Variants in KCNT2 observed in about 807,000 individuals in gnomAD.
The protein encoded by KCNT2 is potassium sodium-activated channel subfamily T member 2.
KCNT2 carries 67 observed loss-of-function variants against 153.8 expected under a neutral mutation model. The ratio of observed to expected loss-of-function variants is 0.44; its 90% CI spans 0.36 to 0.53. KCNT2 has a LOEUF of 0.53. Ranked by LOEUF, KCNT2 falls within the 20% of genes least tolerant of loss-of-function variation. KCNT2 has a pLI of 0.00. For synonymous variants in KCNT2, 500 were observed against 458.8 expected, an observed-to-expected ratio of 1.09 and a Z score of -1.15; for missense variants, 975 against 1,354.8, an observed-to-expected ratio of 0.72 and a Z score of 4.40.
chr1:196,593,645 C>T lies in KCNT2; in HGVS notation c.95+14570G>A, dbSNP rs139639441. The stretch of plus-strand genomic sequence containing the variant: ...TACACGTTGCATGCCTGTATCCAAA[C>T]ATCTCATGTACCCCAAAAATATATA... On this transcript the variant is annotated intron_variant, in intron 1 of 27. Coordinates refer to ENST00000294725, the MANE Select transcript of KCNT2 (RefSeq NM_198503.5). Among the ~76,000 whole-genome samples, 831 of 151,974 alleles carry T rather than the reference C, an allele frequency of 5.5e-3. 4 individuals carry two copies. The highest frequency in any genetic ancestry group is 8.1e-3 in the Non-Finnish European group (552 of 67,940).
intron 25 of KCNT2, among the ~76,000 whole-genome samples, chr1:196,263,476 C>T (rs1382318264): frequency 8.6e-5 from 13 of 151,858 alleles, no homozygotes; most frequent in South Asian, 6.2e-4. Context: ...TCACACACTG[C>T]GCCCTGTCAT....
At chr1:196,310,337 CT>C in intron 21 of KCNT2, among the ~76,000 whole-genome samples, 1 of 151,858 alleles carries the variant, frequency 6.6e-6, no homozygotes, top group African/African-American at 2.4e-5. Flanking sequence ...ACTATCAACA[CT>C]AAAACAAGTA....
At position 196,601,078 on chromosome 1, in the gene KCNT2, A is replaced by G. The variant is rs115531294; in HGVS notation, c.95+7137T>C. On this transcript the variant is annotated intron_variant, in intron 1 of 27. Coordinates refer to ENST00000294725, the MANE Select transcript of KCNT2 (RefSeq NM_198503.5). The stretch of plus-strand genomic sequence containing the variant: ...TTGGTCTCTTGAACTCCAGACCCAT[A>G]CTTCCAAATGCCTCCTGACTCTCCT... 4.9e-3 allele frequency among the ~76,000 whole-genome samples: 741 copies of G among 152,288 alleles called. 3 individuals are homozygous for G. Among genetic ancestry groups the G allele is most frequent in the African/African-American group, 0.016 (676 of 41,564 alleles).
At chr1:196,408,851 G>A (rs1439774940) in intron 12 of KCNT2, among the ~76,000 whole-genome samples, 1 of 151,418 alleles carries the variant, frequency 6.6e-6, no homozygotes, top group Non-Finnish European at 1.5e-5. Context: ...CCATTTTTTA[G>A]TGTAATATTC....
intron 13 of KCNT2, among the ~76,000 whole-genome samples, chr1:196,376,607 T>C (rs1409990621): frequency 6.6e-6 from 1 of 151,956 alleles, no homozygotes; most frequent in Non-Finnish European, 1.5e-5. Flanking sequence ...AACTTTCTAA[T>C]TGGTTTTCAT....
intron 8 of KCNT2, among the ~76,000 whole-genome samples, chr1:196,433,426 G>C (rs1674336145): frequency 6.6e-6 from 1 of 152,066 alleles, no homozygotes; most frequent in Non-Finnish European, 1.5e-5. Flanking sequence ...ATCCAGAGAA[G>C]AGCCAGCAAA....
intron 17 of KCNT2, among the ~76,000 whole-genome samples, chr1:196,333,095 T>TG (rs200839068): frequency 4.3e-5 from 5 of 116,100 alleles, no homozygotes; most frequent in African/African-American, 1.7e-4. Flanking sequence ...CAGCTGCAAG[T>TG]TTTTTTTTTT....
At chr1:196,243,466 A>T (rs2102267246) in intron 26 of KCNT2, among the ~76,000 whole-genome samples, 1 of 152,268 alleles carries the variant, frequency 6.6e-6, no homozygotes, top group South Asian at 2.1e-4. Flanking sequence ...ACCATCTTGA[A>T]TTTCCAACAC....
chr1:196,243,353 A>G (rs1485433313), intron 26 of KCNT2, among the ~76,000 whole-genome samples: 6 of 152,084 alleles, frequency 3.9e-5, no homozygotes, highest in Admixed American at 3.9e-4. Context: ...AACTATCCAC[A>G]CAAAAAAAAA....
intron 12 of KCNT2, among the ~76,000 whole-genome samples, chr1:196,421,913 G>A (rs2335902): frequency 0.98 from 149,491 of 152,120 alleles, 73,503 homozygotes; most frequent in South Asian, 1. Context: ...CCCTGTATAC[G>A]TGTCTGCCTC....
chr1:196,382,235 A>G (rs1669569771), intron 13 of KCNT2, among the ~76,000 whole-genome samples: 1 of 151,574 alleles, frequency 6.6e-6, no homozygotes, highest in African/African-American at 2.4e-5. Context: ...AGTAGCTGGG[A>G]CTACAGGTGC....
intron 26 of KCNT2, among the ~76,000 whole-genome samples, chr1:196,241,761 G>A (rs540463087): frequency 1.2e-4 from 18 of 152,074 alleles, no homozygotes; most frequent in Non-Finnish European, 2.5e-4. Flanking sequence ...CTAGCTTCCT[G>A]CAAATAAAAC....
chr1:196,563,335 G>T (rs138727722), intron 1 of KCNT2, among the ~76,000 whole-genome samples: 8 of 151,308 alleles, frequency 5.3e-5, no homozygotes, highest in African/African-American at 1.7e-4. Context: ...AGATGTTGGG[G>T]AGTGACTGTG....
At chr1:196,486,048 C>A (rs1679394235) in intron 3 of KCNT2, among the ~76,000 whole-genome samples, 2 of 151,788 alleles carry the variant, frequency 1.3e-5, no homozygotes, top group Non-Finnish European at 2.9e-5. Flanking sequence ...GTAGCAGATG[C>A]ATCATCATCA....
At position 196,326,702 on chromosome 1, in the gene KCNT2, T is replaced by C; in HGVS notation, c.2276+15A>G. On this transcript the variant is annotated intron_variant, in intron 19 of 27. Transcript: ENST00000294725. ...AAACAGTTTATCTTGTTTGTGTATC[T>C]TAAAATATACTTACGGGTTATCCAA... The C allele has an allele frequency of 1.4e-6, 2 of 1,449,058 alleles. No individual in the cohort carries two copies. Among genetic ancestry groups the C allele is most frequent in the South Asian group, 2.8e-5 (2 of 70,310 alleles). 89.8% of individuals were successfully genotyped at this position (1,449,058 alleles called of 1,614,324 possible). A position where few individuals can be genotyped will look rare whatever the true frequency, so the allele number is the denominator to read the frequency against.
intron 1 of KCNT2, among the ~76,000 whole-genome samples, chr1:196,531,409 G>C (rs997266201): frequency 6.6e-6 from 1 of 152,120 alleles, no homozygotes; most frequent in African/African-American, 2.4e-5. Flanking sequence ...TGGCTTGCAA[G>C]AGGACTTAGA....
intron 1 of KCNT2, among the ~76,000 whole-genome samples, chr1:196,555,646 A>T (rs1270295224): frequency 2.0e-5 from 3 of 151,212 alleles, no homozygotes; most frequent in Admixed American, 6.6e-5. Flanking sequence ...GAAATAAAAA[A>T]ATATATAAAA....
chr1:196,305,618 A>G (rs1661558874), intron 21 of KCNT2, among the ~76,000 whole-genome samples: 2 of 152,136 alleles, frequency 1.3e-5, no homozygotes, highest in South Asian at 4.1e-4. Flanking sequence ...TTATGGAACA[A>G]CATAGAAGAA....
In KCNT2 at chr1:196,401,558, A is replaced by G. The variant is rs533963115; in HGVS notation, c.1186-2887T>C. On this transcript the variant is annotated intron_variant, in intron 12 of 27. Coordinates refer to ENST00000294725, the MANE Select transcript of KCNT2 (RefSeq NM_198503.5). ...AAGTTTATGAAGAAACACATTCACTATATGGGCTTTGAAACAGATTGGGAA... is the reference window on the plus strand; with the variant it reads ...AAGTTTATGAAGAAACACATTCACTGTATGGGCTTTGAAACAGATTGGGAA... Among the ~76,000 whole-genome samples the G allele has an allele frequency of 2.7e-4, 41 of 151,908 alleles. 1 individual carries two copies. In the South Asian group the frequency reaches 7.0e-3, roughly 26 times the overall value.
Sources: allele counts gnomAD v4.1 joint callset (sites outside exome capture counted in the v4.1 genomes callset), GRCh38; gene constraint gnomAD v4.1.1; transcripts MANE v1.5; gene names NCBI Gene and HGNC (gene_info 2026-07-23, HGNC 2026-07-21).